Variants in OAT observed in about 807,000 individuals in gnomAD.
The protein encoded by OAT is ornithine aminotransferase.
In OAT, 35 loss-of-function variants were observed where a neutral mutation model predicts 48.4. The ratio of observed to expected loss-of-function variants is 0.72; its 90% CI spans 0.55 to 0.96. The LOEUF (loss-of-function observed/expected upper bound fraction) is 0.96. Ranked by LOEUF, OAT falls within the 40% of genes least tolerant of loss-of-function variation. The pLI, the probability that OAT is intolerant of heterozygous loss-of-function variation, is 0.00. For synonymous variants in OAT, 182 were observed against 198.4 expected, an observed-to-expected ratio of 0.92 and a Z score of 0.70; for missense variants, 438 against 537.9, an observed-to-expected ratio of 0.81 and a Z score of 1.84.
Position 124,397,990 on chromosome 10 carries a change from C to G in OAT, c.1272G>C (p.Glu424Asp). The G allele has an allele frequency of 6.2e-7, 1 of 1,613,962 alleles. No individual in the cohort carries two copies. Reference sequence around the variant, plus strand: ...TAATAATTTCAATGGACTCTCGAAGCTCATCCTCCTTGATCACCAGCGGAG... The same window carrying G: ...TAATAATTTCAATGGACTCTCGAAGGTCATCCTCCTTGATCACCAGCGGAG... ...FAPPLVIKED[E>D]LRESIEIINK... Residue 424 changes from glutamate (E) to aspartate (D), a missense_variant, in exon 10 of 10, where the codon GAG becomes GAC. Coordinates refer to ENST00000368845, the MANE Select transcript of OAT (RefSeq NM_000274.4).
chr10:124,414,787 A>C (rs1951866254), intron 1 of OAT, among the ~76,000 whole-genome samples: 3 of 152,138 alleles, frequency 2.0e-5, no homozygotes, highest in African/African-American at 7.2e-5. Context: ...TCTAAACCGT[A>C]ACAACTTTCT....
intron 4 of OAT, 115 bp from the exon 5 acceptor site, chr10:124,405,678 T>C: frequency 6.5e-7 from 1 of 1,544,612 alleles, no homozygotes; most frequent in Non-Finnish European, 8.7e-7. Context: ...GGGCTTGCTT[T>C]AGTGCACCTT....
chr10:124,397,669 TG>T lies in OAT; in HGVS notation c.*272del. 2.5e-6 allele frequency: 1 copy of T among 402,010 alleles called. No homozygotes were observed. Among genetic ancestry groups the T allele is most frequent in the East Asian group, 5.2e-5 (1 of 19,296 alleles). The allele number at this position is 402,010 out of a possible 1,614,324, so 24.9% of individuals were successfully genotyped here. A position where few individuals can be genotyped will look rare whatever the true frequency, so the allele number is the denominator to read the frequency against. On this transcript the variant is annotated 3_prime_UTR_variant, in exon 10 of 10. Coordinates refer to ENST00000368845, the MANE Select transcript of OAT (RefSeq NM_000274.4). The stretch of plus-strand genomic sequence containing the variant: ...TGAAGGACTTGATTTAGAGGCTGTC[TG>T]TATATAGATGCATTTCACCTTAGGA...
chr10:124,415,581 A>G (rs181511053), intron 1 of OAT, among the ~76,000 whole-genome samples: 5 of 152,358 alleles, frequency 3.3e-5, no homozygotes, highest in Non-Finnish European at 5.9e-5. Flanking sequence ...CTGTATGAGA[A>G]ATCTTAGAGC....
At chr10:124,403,285 T>TA (rs1951467665) in intron 6 of OAT, 2 of 592,626 alleles carry the variant, frequency 3.4e-6, no homozygotes, top group South Asian at 4.0e-5. Context: ...AGGCCCATTC[T>TA]GCCCTGCTCT....
Position 124,397,898 on chromosome 10 carries a change from T to C in OAT, c.*44A>G. ...AATAAAGCTTTTACAGGACCACCTG[T>C]CTCCAGCTGGCTCCCAGGGACCACT... On this transcript the variant is annotated 3_prime_UTR_variant, in exon 10 of 10. Coordinates refer to ENST00000368845, the MANE Select transcript of OAT (RefSeq NM_000274.4). The C allele has an allele frequency of 6.2e-7, 1 of 1,611,918 alleles. No homozygotes were observed. The highest frequency in any genetic ancestry group is 8.5e-7 in the Non-Finnish European group (1 of 1,178,476).
intron 6 of OAT, 175 bp from the exon 7 acceptor site, chr10:124,403,230 G>A: frequency 2.8e-6 from 2 of 702,046 alleles, no homozygotes; most frequent in South Asian, 1.8e-5. Flanking sequence ...TAAGAATCTT[G>A]TAGACTCACC....
At chr10:124,405,280 A>T (rs949252619) in intron 5 of OAT, among the ~76,000 whole-genome samples, 156 bp downstream of exon 5, 2 of 152,216 alleles carry the variant, frequency 1.3e-5, no homozygotes, top group Admixed American at 6.5e-5. Flanking sequence ...TGTGTTGGAA[A>T]CTAATTGATC....
chr10:124,401,713 T>C lies in OAT; in HGVS notation c.1014+13A>G, dbSNP rs1303033257. 1.9e-6 allele frequency: 3 copies of C among 1,543,318 alleles called. No individual in the cohort carries two copies. The East Asian group carries it at 6.7e-5, about 35-fold the overall frequency. ...TTAAAGAATAGACACTGTGTGGCTG[T>C]ATCAGTCTTTACCTCAAGGGCTGCG... On this transcript the variant is annotated intron_variant, in intron 8 of 9. Coordinates refer to ENST00000368845, the MANE Select transcript of OAT (RefSeq NM_000274.4).
rs1442829467 is a variant in OAT, at chr10:124,398,032, G to A, written c.1230C>T (p.Asp410=). 6.2e-7 allele frequency: 1 copy of A among 1,614,054 alleles called. No homozygotes were observed. The highest frequency in any genetic ancestry group is 1.6e-4 in the Middle Eastern group (1 of 6,062). ...NGLLAKPTHG[D]IIRFAPPLVI... is the part of the protein sequence containing the mutation. ...CCAGCGGAGGCGCAAACCTGATAAT[G>A]TCGCCATGGGTTGGCTTGGCCAGAA... is the stretch of plus-strand genomic sequence containing the variant. The change falls in exon 10 of 10, where the codon GAC becomes GAT. Residue 410 remains aspartate (D), a synonymous_variant. Coordinates refer to ENST00000368845, the MANE Select transcript of OAT (RefSeq NM_000274.4).
At chr10:124,398,219 G>C in intron 9 of OAT, 117 bp from the exon 10 acceptor site, 1 of 1,172,312 alleles carries the variant, frequency 8.5e-7, no homozygotes, top group Non-Finnish European at 1.2e-6. Context: ...GCTCAACTAA[G>C]GGAAGCTTGG....
chr10:124,405,151 T>C (rs1301660730), intron 5 of OAT, among the ~76,000 whole-genome samples: 1 of 152,188 alleles, frequency 6.6e-6, no homozygotes, highest in Non-Finnish European at 1.5e-5. Flanking sequence ...AAAAGCTAGC[T>C]AAAAACAGAA....
At chr10:124,415,163 T>G (rs964975297) in intron 1 of OAT, 1 of 147,764 alleles carries the variant, frequency 6.8e-6, no homozygotes, top group Non-Finnish European at 1.5e-5. Context: ...ATAAAAGTTA[T>G]CTGCACAGCT....
In OAT at chr10:124,408,336, TATATATA is replaced by T. The variant is rs1224675893; in HGVS notation, c.520+199_520+205del. ...GTGTGTGTATATATATATATATATA[TATATATA>T]TTTTTTTTTTTTTTTTTTAAATAGA... On this transcript the variant is annotated intron_variant, in intron 4 of 9. Transcript: ENST00000368845. Among the ~76,000 whole-genome samples, 563 of 90,172 alleles carry T rather than the reference TATATATA, an allele frequency of 6.2e-3. 3 individuals are homozygous for T. Among genetic ancestry groups the T allele is most frequent in the African/African-American group, 0.019 (529 of 27,452 alleles). 59.2% of individuals were successfully genotyped at this position (90,172 alleles called of 152,430 possible).
chr10:124,418,638 T>C (rs984860202), intron 1 of OAT, among the ~76,000 whole-genome samples: 2 of 151,860 alleles, frequency 1.3e-5, no homozygotes, highest in Admixed American at 1.3e-4. Context: ...CCCTGCCCCC[T>C]GAAGCTGCGC....
intron 2 of OAT, among the ~76,000 whole-genome samples, chr10:124,411,387 G>T (rs983163086): frequency 1.2e-4 from 18 of 151,984 alleles, no homozygotes; most frequent in Non-Finnish European, 2.6e-4. Context: ...AAAGTTAAAA[G>T]AAAAAAATGA....
chr10:124,407,147 C>G (rs1951604439), intron 4 of OAT: 1 of 985,344 alleles, frequency 1.0e-6, no homozygotes. Flanking sequence ...CAAGTAATCT[C>G]TTCTTTCACT....
At chr10:124,410,702 G>A (rs755172045) in intron 2 of OAT, among the ~76,000 whole-genome samples, 4 of 152,188 alleles carry the variant, frequency 2.6e-5, no homozygotes, top group African/African-American at 4.8e-5. Flanking sequence ...GGAAGCTGAG[G>A]TGGGAAAATC....
intron 4 of OAT, among the ~76,000 whole-genome samples, 180 bp downstream of exon 4, chr10:124,408,357 TTTTTA>T (rs1564736249): frequency 7.2e-6 from 1 of 137,980 alleles, no homozygotes; most frequent in African/African-American, 2.7e-5. Context: ...TTTTTTTTTT[TTTTTA>T]AATAGAGACA....
Sources: gnomAD v4.1 joint callset for allele counts (sites outside exome capture counted in the v4.1 genomes callset) on GRCh38, gnomAD v4.1.1 for gene constraint, MANE v1.5 for transcripts, NCBI Gene and HGNC (gene_info 2026-07-23, HGNC 2026-07-21) for gene names.